The following CFAP20DC variants were observed in gnomAD, a reference collection of about 807,000 sequenced individuals.
The protein encoded by CFAP20DC is CFAP20 domain containing.
CFAP20DC carries 84 observed loss-of-function variants against 101.7 expected under a neutral mutation model. The observed-to-expected ratio is 0.83, with a 90% CI of 0.69 to 0.99. The LOEUF (loss-of-function observed/expected upper bound fraction) is 0.99. Ranked by LOEUF, CFAP20DC falls within the 50% of genes least tolerant of loss-of-function variation. CFAP20DC has a pLI of 0.00. For missense variants in CFAP20DC, 1,007 were observed against 970.3 expected (o/e 1.04, Z -0.50); for synonymous variants, 359 against 351.2 (o/e 1.02, Z -0.25).
chr3:58,862,106 C>A (rs1224275561), intron 12 of CFAP20DC: 1 of 943,182 alleles, frequency 1.1e-6, no homozygotes, highest in African/African-American at 1.8e-5. Context: ...ATTTAAAGGG[C>A]AGATTATCCA....
At chr3:58,876,602 G>A (rs1370034072) in intron 7 of CFAP20DC, among the ~76,000 whole-genome samples, 1 of 152,104 alleles carries the variant, frequency 6.6e-6, no homozygotes, top group Non-Finnish European at 1.5e-5. Flanking sequence ...TTTACTGAGG[G>A]GTACATGCCT....
intron 5 of CFAP20DC, among the ~76,000 whole-genome samples, chr3:58,925,413 C>T (rs1301180410): frequency 1.3e-5 from 2 of 152,180 alleles, no homozygotes; most frequent in Non-Finnish European, 2.9e-5. Flanking sequence ...TTTGCCTTTT[C>T]TGCCATATTA....
At position 58,950,633 on chromosome 3, in the gene CFAP20DC, C is replaced by A. The variant is rs538699336; in HGVS notation, c.279-12871G>T. Among the ~76,000 whole-genome samples, 6 of 152,256 alleles carry A rather than the reference C, an allele frequency of 3.9e-5. No homozygotes were observed. In the South Asian group the frequency reaches 1.2e-3, roughly 32 times the overall value. On this transcript the variant is annotated intron_variant, in intron 4 of 16. Transcript: ENST00000482387. ...ATATCTACAACCATCTGATCTTTGA[C>A]AAACCTGAGAAAAACAAGAAATAGG... is the stretch of plus-strand genomic sequence containing the variant.
chr3:58,902,992 C>T (rs998080173), intron 6 of CFAP20DC, among the ~76,000 whole-genome samples: 8 of 151,924 alleles, frequency 5.3e-5, no homozygotes, highest in African/African-American at 1.4e-4. Flanking sequence ...GACTATATTC[C>T]GGGTACTAGA....
chr3:58,809,707 C>T (rs1317598738), intron 14 of CFAP20DC, among the ~76,000 whole-genome samples: 1 of 152,084 alleles, frequency 6.6e-6, no homozygotes, highest in Non-Finnish European at 1.5e-5. Flanking sequence ...AAAATCAGAG[C>T]AGGACTGAGG....
rs983008314 is a variant in CFAP20DC at position 58,894,487 on chromosome 3, C to T, written c.551-9778G>A. On this transcript the variant is annotated intron_variant, in intron 6 of 16. Transcript: ENST00000482387. This position sits in a 1 kb window ranked among gnomAD's most constrained non-coding sequence, Gnocchi z 4.1. ...GCTCCAAAATGATCTCCTTTGACTC[C>T]ATGTCTCACATTCAGGACACGCTGA... 2.6e-5 allele frequency among the ~76,000 whole-genome samples: 4 copies of T among 152,226 alleles called. No homozygotes were observed. Among genetic ancestry groups the T allele is most frequent in the Non-Finnish European group, 5.9e-5 (4 of 68,038 alleles).
downstream of CFAP20DC, among the ~76,000 whole-genome samples, chr3:58,739,227 G>GCGC (rs2067826781): frequency 6.6e-6 from 1 of 152,064 alleles, no homozygotes; most frequent in African/African-American, 2.4e-5. Flanking sequence ...TGCCACTATT[G>GCGC]CTGACAGTTG....
At chr3:58,929,015 A>T (rs536504664) in intron 5 of CFAP20DC, among the ~76,000 whole-genome samples, 65 of 152,264 alleles carry the variant, frequency 4.3e-4, no homozygotes, top group East Asian at 5.8e-4. Flanking sequence ...GCTCCACAGT[A>T]CCTATTATAG....
chr3:58,933,796 A>T (rs1576370653), intron 5 of CFAP20DC, among the ~76,000 whole-genome samples: 2 of 152,106 alleles, frequency 1.3e-5, no homozygotes, highest in Middle Eastern at 3.4e-3. Flanking sequence ...AATTTATAGC[A>T]CTAAATGCCC....
chr3:59,004,477 A>G (rs1224954160), intron 4 of CFAP20DC, among the ~76,000 whole-genome samples: 1 of 152,196 alleles, frequency 6.6e-6, no homozygotes, highest in Non-Finnish European at 1.5e-5. Context: ...CTATAATGGA[A>G]AATGTTCCAG....
At chr3:58,994,551 TCTC>T (rs2093049607) in intron 4 of CFAP20DC, among the ~76,000 whole-genome samples, 1 of 152,170 alleles carries the variant, frequency 6.6e-6, no homozygotes, top group South Asian at 2.1e-4. Context: ...ACTGTGTTCT[TCTC>T]CTCGTCAAAT....
At chr3:58,809,448 G>A (rs1211869050) in intron 14 of CFAP20DC, among the ~76,000 whole-genome samples, 3 of 152,096 alleles carry the variant, frequency 2.0e-5, no homozygotes, top group African/African-American at 7.2e-5. Context: ...GCTCCTGAAT[G>A]ACTACTGGGT....
intron 4 of CFAP20DC, among the ~76,000 whole-genome samples, chr3:58,945,198 G>A (rs2089181208): frequency 6.6e-6 from 1 of 152,168 alleles, no homozygotes; most frequent in Admixed American, 6.5e-5. Flanking sequence ...TCAGCAGAGT[G>A]CAGATTTAAA....
intron 5 of CFAP20DC, among the ~76,000 whole-genome samples, chr3:58,917,997 G>A (rs570367744): frequency 6.6e-6 from 1 of 152,232 alleles, no homozygotes; most frequent in East Asian, 1.9e-4. Context: ...CCCACATGGA[G>A]CAAACTATCT....
chr3:58,748,374 G>A (rs980613340), intron 16 of CFAP20DC, among the ~76,000 whole-genome samples: 1 of 152,172 alleles, frequency 6.6e-6, no homozygotes, highest in Non-Finnish European at 1.5e-5. Context: ...GGATAGGTAG[G>A]TGGGGTGGTT....
chr3:58,810,074 C>G (rs542310336), intron 14 of CFAP20DC, among the ~76,000 whole-genome samples: 1 of 152,114 alleles, frequency 6.6e-6, no homozygotes, highest in Non-Finnish European at 1.5e-5. Context: ...GCTTACCAAT[C>G]AAAAAGAATC....
chr3:59,010,985 T>C (rs908207105), intron 4 of CFAP20DC, among the ~76,000 whole-genome samples: 1 of 152,168 alleles, frequency 6.6e-6, no homozygotes, highest in Non-Finnish European at 1.5e-5. Context: ...AAAATCAAGA[T>C]GGAAATGAAA....
chr3:58,751,369 C>G (rs1474376448), intron 16 of CFAP20DC, among the ~76,000 whole-genome samples: 1 of 152,170 alleles, frequency 6.6e-6, no homozygotes, highest in African/African-American at 2.4e-5. Context: ...AGAAGATAAA[C>G]AACATGCAAA....
intron 3 of CFAP20DC, among the ~76,000 whole-genome samples, chr3:59,044,584 A>T (rs1699690017): frequency 2.6e-5 from 4 of 152,254 alleles, no homozygotes; most frequent in African/African-American, 9.6e-5. Flanking sequence ...CTTAAAAAAA[A>T]AACTTCAGAT....
Sources: gnomAD v4.1 joint callset for allele counts (sites outside exome capture counted in the v4.1 genomes callset) on GRCh38, gnomAD v4.1.1 for gene constraint, Gnocchi (gnomAD v3.1) non-coding constraint, MANE v1.5 for transcripts, NCBI Gene and HGNC (gene_info 2026-07-23, HGNC 2026-07-21) for gene names.